The following MYO5B variants were observed in gnomAD, a reference collection of about 807,000 sequenced individuals.
MYO5B encodes unconventional myosin-Vb.
Under a neutral mutation model 229.3 loss-of-function variants are expected in MYO5B, and 143 were observed. That is an observed-to-expected ratio of 0.62 (90% CI 0.54 to 0.72). MYO5B has a LOEUF of 0.72. Among genes scored for constraint, MYO5B ranks in the 30% least tolerant of loss-of-function variants. The pLI, the probability that MYO5B is intolerant of heterozygous loss-of-function variation, is 0.00. For synonymous variants in MYO5B, 918 were observed against 885.2 expected (o/e 1.04, Z -0.66); for missense variants, 2,321 against 2,331.0 (o/e 1.00, Z 0.09).
At chr18:50,043,018 G>A (rs1413750761) in intron 2 of MYO5B, among the ~76,000 whole-genome samples, 1 of 151,908 alleles carries the variant, frequency 6.6e-6, no homozygotes, top group Non-Finnish European at 1.5e-5. Flanking sequence ...ATGGAAAATA[G>A]TGTGTAGATT....
chr18:50,123,640 A>G (rs1331536828), intron 1 of MYO5B, among the ~76,000 whole-genome samples: 1 of 152,128 alleles, frequency 6.6e-6, no homozygotes, highest in Admixed American at 6.5e-5. Flanking sequence ...TTGGGAGGTC[A>G]AGGCTGCAGT....
Position 50,137,952 on chromosome 18 carries a change from G to T in MYO5B, c.27+56815C>A, listed in dbSNP as rs114425264. 9.7e-3 allele frequency among the ~76,000 whole-genome samples: 1,481 copies of T among 152,270 alleles called. 16 individuals carry two copies. The highest frequency in any genetic ancestry group is 0.034 in the African/African-American group (1,394 of 41,538). On this transcript the variant is annotated intron_variant, in intron 1 of 39. Coordinates refer to ENST00000285039, the MANE Select transcript of MYO5B (RefSeq NM_001080467.3). ...GATAAGAATTATGAACACAAAGAAG[G>T]AAGTAACAGACATTGGTGCCTAATT...
Position 50,188,785 on chromosome 18 carries a change from TAAAAAAAAAA to T in MYO5B, c.27+5972_27+5981del, listed in dbSNP as rs4042094. On this transcript the variant is annotated intron_variant, in intron 1 of 39. Transcript: ENST00000285039. ...CTGGTGACACAGTGAGACTCTGTCA[TAAAAAAAAAA>T]AAAAAAAAAAAAAAAAAAAAAACAC... 8.0e-3 allele frequency among the ~76,000 whole-genome samples: 845 copies of T among 105,048 alleles called. 7 individuals carry two copies. The highest frequency in any genetic ancestry group is 0.03 in the African/African-American group (777 of 26,148). 68.9% of individuals were successfully genotyped at this position (105,048 alleles called of 152,430 possible).
At chr18:49,974,873 C>G (rs889253797) in intron 9 of MYO5B, among the ~76,000 whole-genome samples, 1 of 148,726 alleles carries the variant, frequency 6.7e-6, no homozygotes, top group Non-Finnish European at 1.5e-5. Context: ...AATGCTCAGA[C>G]TGGTCATTCC....
chr18:49,965,483 A>ACACACACC (rs1351541282), intron 10 of MYO5B, among the ~76,000 whole-genome samples: 4 of 148,842 alleles, frequency 2.7e-5, no homozygotes, highest in African/African-American at 1.0e-4. Flanking sequence ...ACACACACAC[A>ACACACACC]CCTCTTCTCA....
At chr18:50,038,242 T>C (rs1385168253) in intron 3 of MYO5B, among the ~76,000 whole-genome samples, 1 of 152,174 alleles carries the variant, frequency 6.6e-6, no homozygotes, top group Admixed American at 6.5e-5. Flanking sequence ...ACCAGAAGCC[T>C]TTCCAGTCAC....
chr18:49,856,741 A>C, intron 30 of MYO5B, 72 bp downstream of exon 30: 1 of 1,330,586 alleles, frequency 7.5e-7, no homozygotes, highest in Non-Finnish European at 1.1e-6. Flanking sequence ...CTGTAGCTGA[A>C]AAACGGTTAA....
intron 4 of MYO5B, among the ~76,000 whole-genome samples, chr18:50,006,645 C>G (rs2026104723): frequency 6.6e-6 from 1 of 152,154 alleles, no homozygotes; most frequent in African/African-American, 2.4e-5. Flanking sequence ...CTAAACTACT[C>G]TAACTCCTCC....
At chr18:50,138,416 G>GC (rs909791054) in intron 1 of MYO5B, among the ~76,000 whole-genome samples, 1 of 151,942 alleles carries the variant, frequency 6.6e-6, no homozygotes, top group African/African-American at 2.4e-5. Flanking sequence ...GCCCAATTTG[G>GC]GGGGGGTGGC....
intron 9 of MYO5B, among the ~76,000 whole-genome samples, chr18:49,977,118 C>A (rs562022811): frequency 6.6e-6 from 1 of 152,124 alleles, no homozygotes; most frequent in African/African-American, 2.4e-5. Flanking sequence ...CCCTGGGGAC[C>A]GGCTTTTAAC....
chr18:49,853,608 A>ATGC lies in MYO5B; in HGVS notation c.4059_4061dup (p.Glu1353_His1354insGln). 6.2e-7 allele frequency: 1 copy of ATGC among 1,613,680 alleles called. No individual in the cohort carries two copies. The highest frequency in any genetic ancestry group is 1.1e-5 in the South Asian group (1 of 91,072). On this transcript the variant is annotated inframe_insertion, in exon 31 of 40. Transcript: ENST00000285039. ...CCTTGAGATGCTCCACCTCCTCCTCATGCTCCAGGCTCTGGGCCTGCAGCT... is the reference window on the plus strand; with the variant it reads ...CCTTGAGATGCTCCACCTCCTCCTCATGCTGCTCCAGGCTCTGGGCCTGCAGCT...
intron 26 of MYO5B, 22 bp downstream of exon 26, chr18:49,875,665 G>A (rs759625122): frequency 6.2e-7 from 1 of 1,613,908 alleles, no homozygotes; most frequent in Non-Finnish European, 8.5e-7. Flanking sequence ...CACCATAAGA[G>A]CACTGCAGCC....
chr18:50,049,073 T>C (rs1011629363), intron 2 of MYO5B, among the ~76,000 whole-genome samples: 1 of 149,898 alleles, frequency 6.7e-6, no homozygotes, highest in Non-Finnish European at 1.5e-5. Context: ...GAGACTCAGA[T>C]ACAAGGGTGA....
intron 14 of MYO5B, among the ~76,000 whole-genome samples, chr18:49,941,476 C>T (rs2025313384): frequency 6.6e-6 from 1 of 152,142 alleles, no homozygotes; most frequent in African/African-American, 2.4e-5. Context: ...TCACAATATG[C>T]AGAGTCTAAA....
At chr18:49,960,886 G>A (rs2025550968) in intron 12 of MYO5B, among the ~76,000 whole-genome samples, 2 of 152,194 alleles carry the variant, frequency 1.3e-5, no homozygotes, top group African/African-American at 4.8e-5. Context: ...TTCACCACTT[G>A]GGAGGAGAGT....
At chr18:50,087,395 C>A (rs2031352435) in intron 1 of MYO5B, among the ~76,000 whole-genome samples, 2 of 151,788 alleles carry the variant, frequency 1.3e-5, no homozygotes, top group Non-Finnish European at 2.9e-5. Flanking sequence ...ACGGTGAAAC[C>A]CCGTCTCTAC....
intron 4 of MYO5B, among the ~76,000 whole-genome samples, chr18:50,010,163 GAGATA>G (rs2026146724): frequency 6.6e-6 from 1 of 152,250 alleles, no homozygotes. Flanking sequence ...GATAGTGTAA[GAGATA>G]AGTACTTAGT....
At chr18:49,937,546 C>T (rs2025265271) in intron 14 of MYO5B, 149 bp from the exon 15 acceptor site, 1 of 907,358 alleles carries the variant, frequency 1.1e-6, no homozygotes. Context: ...CAGCGTTACT[C>T]CCAAAAGCGC....
intron 16 of MYO5B, among the ~76,000 whole-genome samples, chr18:49,930,910 G>GA (rs142246102): frequency 0.09 from 13,156 of 145,982 alleles, 1,042 homozygotes; most frequent in East Asian, 0.3. Context: ...ACACTAGTAA[G>GA]AAAAAAAAAA....
Sources: gnomAD v4.1 joint callset for allele counts (sites outside exome capture counted in the v4.1 genomes callset) on GRCh38, gnomAD v4.1.1 for gene constraint, MANE v1.5 for transcripts, NCBI Gene and HGNC (gene_info 2026-07-23, HGNC 2026-07-21) for gene names.